The following STAG1 variants were observed in gnomAD, a reference collection of about 807,000 sequenced individuals.
The protein encoded by STAG1 is cohesin subunit SA-1.
A neutral mutation model predicts 170.9 loss-of-function variants in STAG1; 26 were observed. The observed-to-expected ratio is 0.15, with a 90% CI of 0.11 to 0.21. The LOEUF (loss-of-function observed/expected upper bound fraction) is 0.21, where lower values mean the gene tolerates loss of function less well. STAG1 is among the 10% of genes least tolerant of loss of function. The pLI is 1.00. For synonymous variants in STAG1, 514 were observed against 497.7 expected, an observed-to-expected ratio of 1.03 and a Z score of -0.44; for missense variants, 964 against 1,509.5, an observed-to-expected ratio of 0.64 and a Z score of 5.99.
chr3:136,431,974 GATT>G (rs1333329752), intron 16 of STAG1, among the ~76,000 whole-genome samples: 1 of 152,088 alleles, frequency 6.6e-6, no homozygotes, highest in Non-Finnish European at 1.5e-5. Flanking sequence ...GGTTTTCAGT[GATT>G]ATTTCTTCAA....
At chr3:136,391,479 C>T (rs897697809) in intron 22 of STAG1, among the ~76,000 whole-genome samples, 3 of 150,778 alleles carry the variant, frequency 2.0e-5, no homozygotes, top group East Asian at 2.0e-4. Flanking sequence ...TGGGTTAAAG[C>T]GATTCTCCTG....
intron 6 of STAG1, among the ~76,000 whole-genome samples, chr3:136,524,151 TG>T (rs1369177384): frequency 6.6e-6 from 1 of 152,190 alleles, no homozygotes; most frequent in Non-Finnish European, 1.5e-5. Context: ...GGTAGCTTGA[TG>T]GGGATGGCAT....
At chr3:136,520,418 A>G (rs1934616017) in intron 7 of STAG1, among the ~76,000 whole-genome samples, 5 of 152,150 alleles carry the variant, frequency 3.3e-5, no homozygotes, top group Admixed American at 3.3e-4. Context: ...TACTGCTACT[A>G]AAAAAGATGT....
Position 136,366,936 on chromosome 3 carries a change from A to C in STAG1, c.2685+7T>G. 1 of 1,546,756 alleles carries C rather than the reference A, an allele frequency of 6.5e-7. No individual in the cohort carries two copies. Among genetic ancestry groups the C allele is most frequent in the Non-Finnish European group, 8.8e-7 (1 of 1,138,528 alleles). The stretch of plus-strand genomic sequence containing the variant: ...GGAAGGAGAAAAATAAGAATATTTA[A>C]CTATACCTTCATGTAGTGTTTGAAG... On this transcript the variant is annotated splice_region_variant and intron_variant, in intron 25 of 33. Coordinates refer to ENST00000383202, the MANE Select transcript of STAG1 (RefSeq NM_005862.3).
At chr3:136,716,087 G>T (rs1161622482) in intron 1 of STAG1, among the ~76,000 whole-genome samples, 1 of 150,758 alleles carries the variant, frequency 6.6e-6, no homozygotes, top group Non-Finnish European at 1.5e-5. Context: ...GACACAGAGA[G>T]ACTTCATCTC....
chr3:136,666,967 T>C (rs1291784107), intron 1 of STAG1, among the ~76,000 whole-genome samples: 6 of 152,116 alleles, frequency 3.9e-5, no homozygotes, highest in Non-Finnish European at 7.4e-5. Flanking sequence ...AAAGCTGAGA[T>C]ACATGGAATT....
At chr3:136,440,507 A>C (rs1275394910) in intron 15 of STAG1, among the ~76,000 whole-genome samples, 1 of 151,762 alleles carries the variant, frequency 6.6e-6, no homozygotes, top group African/African-American at 2.4e-5. Flanking sequence ...TATACAGAAA[A>C]TGAGTTGGAA....
At chr3:136,463,817 A>T (rs993156964) in intron 13 of STAG1, among the ~76,000 whole-genome samples, 6 of 145,806 alleles carry the variant, frequency 4.1e-5, no homozygotes, top group African/African-American at 9.9e-5. Context: ...ATATATACAC[A>T]TATATTCATA....
At chr3:136,690,209 T>C (rs1238106598) in intron 1 of STAG1, among the ~76,000 whole-genome samples, 2 of 152,076 alleles carry the variant, frequency 1.3e-5, no homozygotes, top group African/African-American at 4.8e-5. Flanking sequence ...ACTCCTCCAG[T>C]GGAAATAAGG....
At chr3:136,493,107 T>G (rs2090152521) in intron 9 of STAG1, among the ~76,000 whole-genome samples, 1 of 152,104 alleles carries the variant, frequency 6.6e-6, no homozygotes, top group South Asian at 2.1e-4. Context: ...TTTGGGAGGC[T>G]GAGGGTGGTA....
At position 136,597,905 on chromosome 3, in the gene STAG1, G is replaced by A. The variant is rs78123845; in HGVS notation, c.297+6404C>T. 3.6e-3 allele frequency among the ~76,000 whole-genome samples: 544 copies of A among 151,920 alleles called. 11 individuals carry two copies. The East Asian group carries it at 0.064, about 18-fold the overall frequency. On this transcript the variant is annotated intron_variant, in intron 4 of 33. Coordinates refer to ENST00000383202, the MANE Select transcript of STAG1 (RefSeq NM_005862.3). ...GTTATTTAAAAATGACATAATCTGA[G>A]CTGTAGGTTTGGGGGAGATAACCTT... is the stretch of plus-strand genomic sequence containing the variant.
intron 1 of STAG1, among the ~76,000 whole-genome samples, chr3:136,666,781 T>C (rs1941796120): frequency 1.3e-5 from 2 of 151,088 alleles, no homozygotes; most frequent in East Asian, 2.0e-4. Flanking sequence ...GATCACGCCA[T>C]TGCACTCCAG....
intron 1 of STAG1, among the ~76,000 whole-genome samples, chr3:136,699,706 G>A (rs1293077182): frequency 6.6e-6 from 1 of 151,884 alleles, no homozygotes; most frequent in Non-Finnish European, 1.5e-5. Flanking sequence ...CTCTCACTTC[G>A]AAGTGGGAGC....
chr3:136,510,471 T>C (rs1007592683), intron 7 of STAG1, among the ~76,000 whole-genome samples: 19 of 151,928 alleles, frequency 1.3e-4, no homozygotes, highest in Admixed American at 2.6e-4. Context: ...GTATTTTTAG[T>C]AGAGATGAGG....
intron 1 of STAG1, among the ~76,000 whole-genome samples, chr3:136,719,531 G>T (rs915384600): frequency 3.3e-5 from 5 of 149,964 alleles, no homozygotes; most frequent in African/African-American, 1.2e-4. Context: ...ATCTGTCAAG[G>T]AAAAACAGAA....
intron 8 of STAG1, among the ~76,000 whole-genome samples, chr3:136,501,904 G>A (rs113632149): frequency 0.078 from 11,798 of 152,090 alleles, 472 homozygotes; most frequent in Non-Finnish European, 0.093. Flanking sequence ...AGTATAGGCC[G>A]GGCACAGTGG....
In STAG1 at chr3:136,748,448, G is replaced by A. The variant is rs543342426; in HGVS notation, c.-84+3747C>T. Among the ~76,000 whole-genome samples, 3 of 151,930 alleles carry A rather than the reference G, an allele frequency of 2.0e-5. No individual in the cohort carries two copies. In the East Asian group the frequency reaches 5.9e-4, roughly 30 times the overall value. On this transcript the variant is annotated intron_variant, in intron 1 of 33. Transcript: ENST00000383202. Reference sequence around the variant, plus strand: ...GTCTCACTCTGTCACCCAGGCTGGAGTGCAGTGGCGTGATCCCAGCTCACT... The same window carrying A: ...GTCTCACTCTGTCACCCAGGCTGGAATGCAGTGGCGTGATCCCAGCTCACT...
intron 1 of STAG1, among the ~76,000 whole-genome samples, chr3:136,652,538 T>C (rs1201989073): frequency 6.6e-6 from 1 of 152,130 alleles, no homozygotes; most frequent in Non-Finnish European, 1.5e-5. Flanking sequence ...TTTAATAAAA[T>C]AGTAAAGGTT....
chr3:136,651,800 A>G (rs577056758), intron 1 of STAG1, among the ~76,000 whole-genome samples: 5 of 152,280 alleles, frequency 3.3e-5, no homozygotes, highest in East Asian at 3.9e-4. Flanking sequence ...CCTCAGTGCC[A>G]TATCTCCAAC....
Sources: allele counts gnomAD v4.1 joint callset (sites outside exome capture counted in the v4.1 genomes callset), GRCh38; gene constraint gnomAD v4.1.1; transcripts MANE v1.5; gene names NCBI Gene and HGNC (gene_info 2026-07-23, HGNC 2026-07-21).